The following POTEJ variants were observed in gnomAD, a reference collection of about 807,000 sequenced individuals.
The protein encoded by POTEJ is POTE ankyrin domain family member J.
A neutral mutation model predicts 69.0 loss-of-function variants in POTEJ; 11 were observed. The ratio of observed to expected loss-of-function variants is 0.16; its 90% CI spans 0.10 to 0.26. The LOEUF (loss-of-function observed/expected upper bound fraction) is 0.26, where lower values mean the gene tolerates loss of function less well. Ranked by LOEUF, POTEJ falls within the 10% of genes least tolerant of loss-of-function variation. The pLI is 1.00. For missense variants in POTEJ, 327 were observed against 1,045.5 expected (o/e 0.31, Z 9.48); for synonymous variants, 117 against 381.1 (o/e 0.31, Z 8.07).
At chr2:130,628,743 T>G (rs1420896192) in intron 6 of POTEJ, among the ~76,000 whole-genome samples, 3 of 148,644 alleles carry the variant, frequency 2.0e-5, no homozygotes, top group Non-Finnish European at 3.0e-5. Context: ...AAAATAAGGA[T>G]AAGTGTGGTG....
chr2:130,614,965 TGA>T (rs1280165748), intron 1 of POTEJ, among the ~76,000 whole-genome samples: 1 of 14,512 alleles, frequency 6.9e-5, no homozygotes, highest in Non-Finnish European at 1.3e-4. Flanking sequence ...TCATTTTAGT[TGA>T]GTTATATATT....
intron 14 of POTEJ, among the ~76,000 whole-genome samples, chr2:130,656,317 T>C (rs1686984253): frequency 6.8e-6 from 1 of 146,806 alleles, no homozygotes; most frequent in African/African-American, 2.6e-5. Context: ...TTTTAGGAAT[T>C]TAGGAGCAGA....
intron 10 of POTEJ, among the ~76,000 whole-genome samples, chr2:130,641,306 A>T (rs1323970459): frequency 6.6e-6 from 1 of 152,028 alleles, no homozygotes; most frequent in African/African-American, 2.4e-5. Flanking sequence ...TCAATGTATT[A>T]TAAGGTTTTC....
chr2:130,612,480 T>C (rs555579205), intron 1 of POTEJ, among the ~76,000 whole-genome samples: 648 of 152,080 alleles, frequency 4.3e-3, no homozygotes, highest in African/African-American at 0.014. Context: ...AGATGTGAGC[T>C]TTTTGGCTGG....
chr2:130,632,987 G>A (rs1205543069), intron 9 of POTEJ, among the ~76,000 whole-genome samples: 1 of 147,538 alleles, frequency 6.8e-6, no homozygotes, highest in African/African-American at 2.6e-5. Context: ...TATTTCATCA[G>A]CCACATAATA....
At chr2:130,634,758 TACA>T (rs1474010281) in intron 9 of POTEJ, among the ~76,000 whole-genome samples, 1 of 129,424 alleles carries the variant, frequency 7.7e-6, no homozygotes, top group Non-Finnish European at 1.6e-5. Context: ...GGAAGAAAAT[TACA>T]ACATTCTCAG....
chr2:130,651,774 T>C (rs1185167449), intron 13 of POTEJ, among the ~76,000 whole-genome samples: 5 of 144,674 alleles, frequency 3.5e-5, no homozygotes, highest in African/African-American at 1.1e-4. Context: ...ATACTAGTGA[T>C]ATTGTTATGC....
At chr2:130,636,479 A>G (rs1160541248) in intron 9 of POTEJ, among the ~76,000 whole-genome samples, 2 of 145,510 alleles carry the variant, frequency 1.4e-5, no homozygotes, top group Non-Finnish European at 3.1e-5. Context: ...TTTTTGTATT[A>G]GAAAAAAAAA....
At chr2:130,630,772 C>G (rs1265334327) in intron 7 of POTEJ, among the ~76,000 whole-genome samples, 1 of 146,000 alleles carries the variant, frequency 6.8e-6, no homozygotes, top group Non-Finnish European at 1.5e-5. Flanking sequence ...TCTTTATCCA[C>G]TGTAATTAGT....
intron 10 of POTEJ, among the ~76,000 whole-genome samples, chr2:130,641,058 A>G (rs1279508900): frequency 6.6e-6 from 1 of 152,082 alleles, no homozygotes; most frequent in Non-Finnish European, 1.5e-5. Flanking sequence ...ATATCTACTT[A>G]ACCGTGCTGT....
intron 3 of POTEJ, among the ~76,000 whole-genome samples, chr2:130,618,774 C>CTTTTTTT (rs1204750696): frequency 1.2e-4 from 4 of 32,204 alleles, no homozygotes; most frequent in East Asian, 6.7e-4. Context: ...ATTAATCTGA[C>CTTTTTTT]TTTTTTTTTT....
rs369374695 is a variant in POTEJ at position 130,642,144 on chromosome 2, C to T, written c.1370-1839C>T. On this transcript the variant is annotated intron_variant, in intron 10 of 14. Transcript: ENST00000409602. ...TGTGCTTTGTGTTTTTCCCTCTTGC[C>T]GCCTGCAGCCAATCAGAATTTTTTA... Among the ~76,000 whole-genome samples, 1,079 of 146,034 alleles carry T rather than the reference C, an allele frequency of 7.4e-3. 6 individuals carry two copies. Among genetic ancestry groups the T allele is most frequent in the Middle Eastern group, 0.017 (5 of 286 alleles).
At chr2:130,624,496 C>T (rs1685631655) in intron 6 of POTEJ, among the ~76,000 whole-genome samples, 1 of 151,610 alleles carries the variant, frequency 6.6e-6, no homozygotes, top group Admixed American at 6.6e-5. Context: ...CAGGTTCATG[C>T]TCCAATGAGT....
chr2:130,650,043 A>T (rs1573996595), intron 13 of POTEJ, among the ~76,000 whole-genome samples: 1 of 152,272 alleles, frequency 6.6e-6, no homozygotes, highest in African/African-American at 2.4e-5. Flanking sequence ...AACAGAAAGG[A>T]ATTAGGATTG....
At chr2:130,648,157 T>C (rs1182347748) in intron 13 of POTEJ, among the ~76,000 whole-genome samples, 2 of 146,818 alleles carry the variant, frequency 1.4e-5, no homozygotes, top group Non-Finnish European at 3.0e-5. Flanking sequence ...TCTTTATGTA[T>C]AAGCATGAAC....
chr2:130,647,002 A>C lies in POTEJ; in HGVS notation c.1667+692A>C, dbSNP rs574858632. 2.4e-3 allele frequency among the ~76,000 whole-genome samples: 361 copies of C among 149,802 alleles called. 1 individual carries two copies. The Middle Eastern group carries it at 0.027, about 11-fold the overall frequency. ...ATACATGTAAAGGATATTTGTATAGATATGTTATATGTATACTTATGTATA... is the reference window on the plus strand; with the variant it reads ...ATACATGTAAAGGATATTTGTATAGCTATGTTATATGTATACTTATGTATA... On this transcript the variant is annotated intron_variant, in intron 13 of 14. Coordinates refer to ENST00000409602, the MANE Select transcript of POTEJ (RefSeq NM_001277083.2).
intron 13 of POTEJ, among the ~76,000 whole-genome samples, chr2:130,649,647 G>T (rs1686732164): frequency 1.3e-5 from 2 of 152,170 alleles, no homozygotes; most frequent in South Asian, 2.1e-4. Context: ...ATGTGGCAGA[G>T]TTCCTCCTAA....
intron 11 of POTEJ, among the ~76,000 whole-genome samples, chr2:130,644,559 A>G (rs1303438635): frequency 6.6e-6 from 1 of 152,232 alleles, no homozygotes; most frequent in Non-Finnish European, 1.5e-5. Context: ...ATAGATTCTA[A>G]TTTAATATTT....
intron 10 of POTEJ, among the ~76,000 whole-genome samples, chr2:130,641,335 A>G (rs1686365128): frequency 6.6e-6 from 1 of 151,482 alleles, no homozygotes; most frequent in Non-Finnish European, 1.5e-5. Context: ...ATGGTGAAAT[A>G]AATAATGTTA....
Sources: allele counts gnomAD v4.1 joint callset (sites outside exome capture counted in the v4.1 genomes callset), GRCh38; gene constraint gnomAD v4.1.1; transcripts MANE v1.5; gene names NCBI Gene and HGNC (gene_info 2026-07-23, HGNC 2026-07-21).